Variants in SDAD1 observed in about 807,000 individuals in gnomAD.
SDAD1 encodes protein SDA1 homolog.
In SDAD1, 79 loss-of-function variants were observed where a neutral mutation model predicts 100.3. The observed-to-expected ratio is 0.79, with a 90% CI of 0.66 to 0.95. The LOEUF is 0.95. SDAD1 is among the 40% of genes least tolerant of loss of function. The probability of loss-of-function intolerance (pLI) is 0.00; values close to 1 mark genes in which losing one functional copy is unlikely to be tolerated. For missense variants in SDAD1, 790 were observed against 810.9 expected (o/e 0.97, Z 0.31); for synonymous variants, 267 against 271.4 (o/e 0.98, Z 0.16).
At chr4:75,964,632 C>G (rs553263183) in intron 13 of SDAD1, among the ~76,000 whole-genome samples, 2 of 152,178 alleles carry the variant, frequency 1.3e-5, no homozygotes, top group South Asian at 4.2e-4. Flanking sequence ...GAAGGGGGGA[C>G]AGTAACCCTT....
intron 1 of SDAD1, among the ~76,000 whole-genome samples, chr4:75,986,288 A>G (rs768382971): frequency 6.6e-6 from 1 of 152,030 alleles, no homozygotes; most frequent in South Asian, 2.1e-4. Context: ...ACAAACCTCA[A>G]TTAAGCCCTG....
Position 75,958,255 on chromosome 4 carries a change from T to C in SDAD1, c.1484-314A>G, listed in dbSNP as rs1280716427. On this transcript the variant is annotated intron_variant, in intron 17 of 21. Coordinates refer to ENST00000356260, the MANE Select transcript of SDAD1 (RefSeq NM_018115.4). ...AAGCCACACCGCTAAAAAGGCATCC[T>C]ACACTGAAATCATGAAAATCATGTC... 2.0e-5 allele frequency among the ~76,000 whole-genome samples: 3 copies of C among 152,188 alleles called. No homozygotes were observed. In the East Asian group the frequency reaches 5.8e-4, roughly 29 times the overall value.
intron 21 of SDAD1, among the ~76,000 whole-genome samples, chr4:75,954,670 C>T (rs1176894756): frequency 3.3e-5 from 5 of 152,144 alleles, no homozygotes; most frequent in African/African-American, 4.8e-5. Flanking sequence ...AAATTGCATG[C>T]AAGATTGTGT....
chr4:75,982,243 A>G (rs987676051), intron 1 of SDAD1, among the ~76,000 whole-genome samples: 16 of 152,214 alleles, frequency 1.1e-4, no homozygotes, highest in Admixed American at 9.8e-4. Context: ...CAGATAATCT[A>G]AAGAACTTTT....
intron 3 of SDAD1, among the ~76,000 whole-genome samples, chr4:75,978,160 C>A (rs1006552702): frequency 1.3e-5 from 2 of 151,582 alleles, no homozygotes; most frequent in African/African-American, 2.4e-5. Context: ...AGTTTATGAC[C>A]TTACGAGGCA....
At chr4:75,953,709 C>T (rs1307773327) in intron 21 of SDAD1, among the ~76,000 whole-genome samples, 2 of 152,204 alleles carry the variant, frequency 1.3e-5, no homozygotes, top group Non-Finnish European at 2.9e-5. Context: ...ACATTCAGTG[C>T]TGGCAGGCTG....
At chr4:75,954,372 ACT>A (rs1345882297) in intron 21 of SDAD1, among the ~76,000 whole-genome samples, 11 of 147,620 alleles carry the variant, frequency 7.5e-5, no homozygotes, top group African/African-American at 2.3e-4. Context: ...ACAGAGCGAG[ACT>A]CTGTCTCAAA....
intron 1 of SDAD1, among the ~76,000 whole-genome samples, chr4:75,984,146 T>C (rs1323648074): frequency 1.3e-5 from 2 of 149,808 alleles, no homozygotes; most frequent in Non-Finnish European, 3.0e-5. Flanking sequence ...TATTGGTCTA[T>C]GTATCTGTTT....
intron 14 of SDAD1, among the ~76,000 whole-genome samples, chr4:75,963,451 T>A (rs983164623): frequency 2.6e-5 from 4 of 152,224 alleles, no homozygotes; most frequent in African/African-American, 9.6e-5. Context: ...TTGATGGGGA[T>A]GGCATTGAAT....
intron 4 of SDAD1, among the ~76,000 whole-genome samples, chr4:75,976,787 G>A (rs1730182494): frequency 6.6e-6 from 1 of 152,056 alleles, no homozygotes; most frequent in East Asian, 1.9e-4. Flanking sequence ...ACTGCATGCA[G>A]GAAAATACTG....
chr4:75,972,705 G>A (rs1375408267), intron 8 of SDAD1, among the ~76,000 whole-genome samples: 2 of 139,194 alleles, frequency 1.4e-5, no homozygotes, highest in Non-Finnish European at 3.1e-5. Flanking sequence ...CATGAATCTT[G>A]ATTTTTTTTT....
At chr4:75,986,296 C>G (rs1221068888) in intron 1 of SDAD1, among the ~76,000 whole-genome samples, 3 of 152,038 alleles carry the variant, frequency 2.0e-5, no homozygotes, top group Non-Finnish European at 4.4e-5. Flanking sequence ...CAATTAAGCC[C>G]TGCGTGTACT....
At chr4:75,964,074 C>T (rs1016488698) in intron 14 of SDAD1, 61 bp downstream of exon 14, 1 of 1,110,670 alleles carries the variant, frequency 9.0e-7, no homozygotes, top group Admixed American at 1.8e-5. Context: ...ATCTTGGTAA[C>T]TTATAGCAAA....
intron 21 of SDAD1, among the ~76,000 whole-genome samples, chr4:75,954,092 C>G (rs923984266): frequency 3.3e-5 from 5 of 152,034 alleles, no homozygotes; most frequent in Admixed American, 6.6e-5. Context: ...AGTACCCACG[C>G]CTGGGGCCAG....
At chr4:75,981,307 T>TA in intron 3 of SDAD1, 65 bp downstream of exon 3, 1 of 1,445,564 alleles carries the variant, frequency 6.9e-7, no homozygotes, top group Non-Finnish European at 9.6e-7. Context: ...TGTTCTCATT[T>TA]AAATATATAT....
At chr4:75,977,618 G>T (rs1303123609) in intron 4 of SDAD1, 28 bp downstream of exon 4, 2 of 1,329,214 alleles carry the variant, frequency 1.5e-6, no homozygotes, top group Non-Finnish European at 2.2e-6. Context: ...CAAGGAAGAT[G>T]CAGGGAAATA....
In SDAD1 at chr4:75,970,820, G is replaced by GCTCT. The variant is rs528876824; in HGVS notation, c.814-446_814-443dup. ...AAGTGTTTGGCAGATCTCCTGTAGT[G>GCTCT]CTCTCTCCTGCCACCATGTAAGACA... is the stretch of plus-strand genomic sequence containing the variant. On this transcript the variant is annotated intron_variant, in intron 9 of 21. Coordinates refer to ENST00000356260, the MANE Select transcript of SDAD1 (RefSeq NM_018115.4). 7.3e-4 allele frequency among the ~76,000 whole-genome samples: 111 copies of GCTCT among 152,248 alleles called. 1 individual carries two copies. Among genetic ancestry groups the GCTCT allele is most frequent in the African/African-American group, 2.5e-3 (104 of 41,544 alleles).
At chr4:75,990,363 C>T (rs1413920019) in intron 1 of SDAD1, among the ~76,000 whole-genome samples, 1 of 149,778 alleles carries the variant, frequency 6.7e-6, no homozygotes, top group African/African-American at 2.5e-5. Flanking sequence ...ACATACGATT[C>T]ATCAAAGGTT....
chr4:75,951,109 G>A (rs1247599401), intron 21 of SDAD1, among the ~76,000 whole-genome samples: 1 of 151,880 alleles, frequency 6.6e-6, no homozygotes, highest in African/African-American at 2.4e-5. Context: ...ATACTTATTT[G>A]GTCTATGTGG....
Sources: gnomAD v4.1 joint callset for allele counts (sites outside exome capture counted in the v4.1 genomes callset) on GRCh38, gnomAD v4.1.1 for gene constraint, MANE v1.5 for transcripts, NCBI Gene and HGNC (gene_info 2026-07-23, HGNC 2026-07-21) for gene names.